Variants in VEZF1 observed in about 807,000 individuals in gnomAD.
The protein encoded by VEZF1 is vascular endothelial zinc finger 1.
In VEZF1, 5 loss-of-function variants were observed where a neutral mutation model predicts 44.1. That is an observed-to-expected ratio of 0.11 (90% CI 0.06 to 0.24). The LOEUF (loss-of-function observed/expected upper bound fraction) is 0.24. VEZF1 is among the 10% of genes least tolerant of loss of function. VEZF1 has a pLI of 1.00. For missense variants in VEZF1, 358 were observed against 641.8 expected (o/e 0.56, Z 4.78); for synonymous variants, 236 against 233.1 (o/e 1.01, Z -0.11).
At chr17:57,980,484 C>T in intron 4 of VEZF1, 119 bp downstream of exon 4, 1 of 955,458 alleles carries the variant, frequency 1.0e-6, no homozygotes, top group Non-Finnish European at 1.6e-6. Context: ...CCTGTTTGCA[C>T]ATGTTGGCAA....
In VEZF1 at chr17:57,974,331, T is replaced by C. The variant is rs2143313202; in HGVS notation, c.*142A>G. 1.0e-6 allele frequency: 1 copy of C among 993,626 alleles called. No individual in the cohort carries two copies. Among genetic ancestry groups the C allele is most frequent in the East Asian group, 2.6e-5 (1 of 38,092 alleles). The allele number at this position is 993,626 out of a possible 1,614,324, so 61.6% of individuals were successfully genotyped here. The stretch of plus-strand genomic sequence containing the variant: ...CTACTTTGAATAATCCCAGCCAAAT[T>C]GGAGAAAAATGCTACCACACTCTTA... On this transcript the variant is annotated 3_prime_UTR_variant, in exon 6 of 6. Transcript: ENST00000581208.
rs1203338520 is a variant in VEZF1 at position 57,972,965 on chromosome 17, C to A, written c.*1508G>T. 1.3e-5 allele frequency: 2 copies of A among 152,420 alleles called. No homozygotes were observed. Among genetic ancestry groups the A allele is most frequent in the African/African-American group, 2.4e-5 (1 of 41,396 alleles). The allele number at this position is 152,420 out of a possible 1,614,324, so 9.4% of individuals were successfully genotyped here. A position where few individuals can be genotyped will look rare whatever the true frequency, so the allele number is the denominator to read the frequency against. ...TCATCCAGTTTGATAGTCAGTCCTGCAAACATTCTGCAAGATTAACACAAC... is the reference window on the plus strand; with the variant it reads ...TCATCCAGTTTGATAGTCAGTCCTGAAAACATTCTGCAAGATTAACACAAC... On this transcript the variant is annotated 3_prime_UTR_variant, in exon 6 of 6. Coordinates refer to ENST00000581208, the MANE Select transcript of VEZF1 (RefSeq NM_007146.3).
At chr17:57,981,675 C>T (rs534853217) in intron 3 of VEZF1, among the ~76,000 whole-genome samples, 198 bp downstream of exon 3, 1 of 152,088 alleles carries the variant, frequency 6.6e-6, no homozygotes, top group Non-Finnish European at 1.5e-5. Context: ...AAACAACACG[C>T]TTAAATTTTT....
rs1567735307 is a variant in VEZF1, at chr17:57,972,930, TA to T, written c.*1542del. 1 of 152,650 alleles carries T rather than the reference TA, an allele frequency of 6.6e-6. No individual in the cohort carries two copies. The highest frequency in any genetic ancestry group is 1.5e-5 in the Non-Finnish European group (1 of 68,042). 9.5% of individuals were successfully genotyped at this position (152,650 alleles called of 1,614,324 possible). A position where few individuals can be genotyped will look rare whatever the true frequency, so the allele number is the denominator to read the frequency against. ...ATGCTTGAACTGACACAGTAGGGTA[TA>T]AATGGAAATCATCCAGTTTGATAGT... is the stretch of plus-strand genomic sequence containing the variant. On this transcript the variant is annotated 3_prime_UTR_variant, in exon 6 of 6. Transcript: ENST00000581208.
At position 57,971,752 on chromosome 17, in the gene VEZF1, A is replaced by G. The variant is rs1282304381; in HGVS notation, c.*2721T>C. 1 of 152,626 alleles carries G rather than the reference A, an allele frequency of 6.6e-6. No homozygotes were observed. The highest frequency in any genetic ancestry group is 6.5e-5 in the Admixed American group (1 of 15,272). The allele number at this position is 152,626 out of a possible 1,614,324, so 9.5% of individuals were successfully genotyped here. ...CGAGCCCTAGAGCGTAACAGGCTGGATGTCAGATTTAAGGATTATCTAATA... is the reference window on the plus strand; with the variant it reads ...CGAGCCCTAGAGCGTAACAGGCTGGGTGTCAGATTTAAGGATTATCTAATA... On this transcript the variant is annotated 3_prime_UTR_variant, in exon 6 of 6. Coordinates refer to ENST00000581208, the MANE Select transcript of VEZF1 (RefSeq NM_007146.3).
chr17:57,975,769 G>A (rs972423878), intron 5 of VEZF1, among the ~76,000 whole-genome samples: 12 of 152,116 alleles, frequency 7.9e-5, no homozygotes, highest in African/African-American at 2.9e-4. Context: ...GTGAGTTAGA[G>A]GACCCTGGTC....
Position 57,982,952 on chromosome 17 carries a change from C to G in VEZF1, c.475G>C (p.Val159Leu). The G allele has an allele frequency of 6.2e-7, 1 of 1,614,188 alleles. No individual in the cohort carries two copies. The highest frequency in any genetic ancestry group is 8.5e-7 in the Non-Finnish European group (1 of 1,180,036). Residue 159 changes from valine to leucine, a missense_variant, in exon 2 of 6, where the codon GTG (valine) becomes CTG (leucine). Transcript: ENST00000581208. ...SSSASTTAMP[V>L]TQSVKKPSKP... The stretch of plus-strand genomic sequence containing the variant: ...CTGGGTTTCTTGACAGACTGGGTCA[C>G]TGGCATAGCTGTGGTGCTGGCACTG...
rs1048317361 is a variant in VEZF1 at position 57,981,897 on chromosome 17, T to A, written c.768A>T (p.Ser256=). 7 of 1,614,058 alleles carry A rather than the reference T, an allele frequency of 4.3e-6. No individual in the cohort carries two copies. The highest frequency in any genetic ancestry group is 4.0e-5 in the African/African-American group (3 of 74,936). ...CTTGGCATTTGAAGGGTCTTTCTGTTGAATGGACATGTTTTACATGACAGC... is the reference window on the plus strand; with the variant it reads ...CTTGGCATTTGAAGGGTCTTTCTGTAGAATGGACATGTTTTACATGACAGC... The part of the protein sequence containing the change: ...HLSCHVKHVH[S]TERPFKCQTC... Residue 256 remains serine (S), a synonymous_variant, in exon 3 of 6, where the codon TCA becomes TCT. Coordinates refer to ENST00000581208, the MANE Select transcript of VEZF1 (RefSeq NM_007146.3).
chr17:57,982,550 G>A, intron 2 of VEZF1, 149 bp downstream of exon 2: 13 of 723,506 alleles, frequency 1.8e-5, no homozygotes, highest in Non-Finnish European at 2.9e-5. Context: ...AGACCTGGAG[G>A]TGTTAATACT....
intron 5 of VEZF1, among the ~76,000 whole-genome samples, chr17:57,977,387 G>A (rs576449128): frequency 1.3e-5 from 2 of 152,180 alleles, no homozygotes; most frequent in South Asian, 4.2e-4. Context: ...TTGGCCTCCT[G>A]AAGTGCTGGA....
At chr17:57,987,488 T>A (rs2075307862) in intron 1 of VEZF1, among the ~76,000 whole-genome samples, 3 of 148,890 alleles carry the variant, frequency 2.0e-5, no homozygotes, top group African/African-American at 5.0e-5. Context: ...GTGGTGGCGG[T>A]GAGGGGGAGT....
At chr17:57,984,187 AT>A (rs2075275553) in intron 1 of VEZF1, among the ~76,000 whole-genome samples, 1 of 152,212 alleles carries the variant, frequency 6.6e-6, no homozygotes, top group Non-Finnish European at 1.5e-5. Flanking sequence ...TTCCTTTCAT[AT>A]TCATCTTCTT....
In VEZF1 at chr17:57,972,668, G is replaced by C. The variant is rs1372070527; in HGVS notation, c.*1805C>G. ...ATTATAACAAACATATACATTAAAA[G>C]TGTAGGAATGTGTTGCCTTCCTGCT... On this transcript the variant is annotated 3_prime_UTR_variant, in exon 6 of 6. Coordinates refer to ENST00000581208, the MANE Select transcript of VEZF1 (RefSeq NM_007146.3). The C allele has an allele frequency of 6.6e-6, 1 of 152,578 alleles. No individual in the cohort carries two copies. Among genetic ancestry groups the C allele is most frequent in the African/African-American group, 2.4e-5 (1 of 41,440 alleles). 9.5% of individuals were successfully genotyped at this position (152,578 alleles called of 1,614,324 possible). A position where few individuals can be genotyped will look rare whatever the true frequency, so the allele number is the denominator to read the frequency against.
intron 5 of VEZF1, 87 bp from the exon 6 acceptor site, chr17:57,974,987 A>G: frequency 4.3e-6 from 6 of 1,388,600 alleles, no homozygotes; most frequent in Non-Finnish European, 5.9e-6. Context: ...TTTCATTAAA[A>G]ATGTCAAACA....
At chr17:57,975,300 A>T (rs1229828362) in intron 5 of VEZF1, among the ~76,000 whole-genome samples, 1 of 152,262 alleles carries the variant, frequency 6.6e-6, no homozygotes, top group Non-Finnish European at 1.5e-5. Flanking sequence ...GCCAACCTCC[A>T]GCAGGCCAGG....
chr17:57,975,572 A>G (rs141245534), intron 5 of VEZF1, among the ~76,000 whole-genome samples: 29 of 151,858 alleles, frequency 1.9e-4, no homozygotes, highest in Non-Finnish European at 3.4e-4. Context: ...CTTTCTGGTT[A>G]TGTTTCTTAA....
intron 1 of VEZF1, chr17:57,985,436 A>C: frequency 3.3e-6 from 4 of 1,222,582 alleles, no homozygotes; most frequent in Non-Finnish European, 4.1e-6. Flanking sequence ...AAGCCTTCTA[A>C]GGGGGAACTG....
Position 57,971,592 on chromosome 17 carries a change from G to A in VEZF1, c.*2881C>T, listed in dbSNP as rs1304565239. On this transcript the variant is annotated 3_prime_UTR_variant, in exon 6 of 6. Coordinates refer to ENST00000581208, the MANE Select transcript of VEZF1 (RefSeq NM_007146.3). ...CTTTAATTTTCAAAATAAATCTGCA[G>A]TATTTTGCATGTTAGTAATACAGTG... 1 of 152,498 alleles carries A rather than the reference G, an allele frequency of 6.6e-6. No homozygotes were observed. The highest frequency in any genetic ancestry group is 1.5e-5 in the Non-Finnish European group (1 of 68,034). The allele number at this position is 152,498 out of a possible 1,614,324, so 9.4% of individuals were successfully genotyped here. A position where few individuals can be genotyped will look rare whatever the true frequency, so the allele number is the denominator to read the frequency against.
intron 3 of VEZF1, among the ~76,000 whole-genome samples, chr17:57,981,660 A>T (rs1158568612): frequency 6.6e-6 from 1 of 152,054 alleles, no homozygotes; most frequent in Non-Finnish European, 1.5e-5. Flanking sequence ...AATATAGCTT[A>T]AAAAAAACAA....
Sources: gnomAD v4.1 joint callset for allele counts (sites outside exome capture counted in the v4.1 genomes callset) on GRCh38, gnomAD v4.1.1 for gene constraint, MANE v1.5 for transcripts, NCBI Gene and HGNC (gene_info 2026-07-23, HGNC 2026-07-21) for gene names.